Variants in FAT2 observed in about 807,000 individuals in gnomAD.
FAT2 encodes the protein protocadherin Fat 2.
A neutral mutation model predicts 295.3 loss-of-function variants in FAT2; 150 were observed. The observed-to-expected ratio is 0.51, with a 90% CI of 0.44 to 0.58. The LOEUF is 0.58. Ranked by LOEUF, FAT2 falls within the 20% of genes least tolerant of loss-of-function variation. FAT2 has a pLI of 0.00. For synonymous variants in FAT2, 2,026 were observed against 2,150.3 expected (o/e 0.94, Z 1.60); for missense variants, 4,868 against 5,442.7 (o/e 0.89, Z 3.32).
At chr5:151,548,724 G>A (rs1270355438) in intron 9 of FAT2, among the ~76,000 whole-genome samples, 3 of 152,034 alleles carry the variant, frequency 2.0e-5, no homozygotes, top group Non-Finnish European at 2.9e-5. Context: ...CAGGTGATCC[G>A]CCCGCCTCGG....
In FAT2 at chr5:151,549,384, G is replaced by C. The variant is rs149882446; in HGVS notation, c.4700C>G (p.Thr1567Ser). The change falls in exon 9 of 24, where the codon ACC (threonine) becomes AGC (serine). Residue 1567 changes from threonine (T) to serine (S), a missense_variant. By Grantham distance (58) the Thr-to-Ser change is moderately conservative. This residue lies in a region of FAT2 where 3,297 missense variants were observed against 3,669.4 expected (regional missense o/e 0.90). Transcript: ENST00000261800. ...QLHYEASVPD[T>S]IAPGTELLQV... ...CAGCAGCTCTGTGCCGGGGGCTATGGTGTCAGGAACACTTGCCTCATAATG... is the reference window on the plus strand; with the variant it reads ...CAGCAGCTCTGTGCCGGGGGCTATGCTGTCAGGAACACTTGCCTCATAATG... 1 of 1,614,126 alleles carries C rather than the reference G, an allele frequency of 6.2e-7. No homozygotes were observed.
At chr5:151,529,554 C>T (rs12332267) in intron 14 of FAT2, among the ~76,000 whole-genome samples, 162 bp from the exon 15 acceptor site, 4,168 of 151,036 alleles carry the variant, frequency 0.028, 189 homozygotes, top group African/African-American at 0.094. Flanking sequence ...ATCCCCTTGA[C>T]CCCCTTCCCC....
upstream of FAT2, among the ~76,000 whole-genome samples, chr5:151,592,188 A>G (rs1759439117): frequency 6.6e-6 from 1 of 152,174 alleles, no homozygotes; most frequent in African/African-American, 2.4e-5. Flanking sequence ...CCCTGTGTTG[A>G]GAACCAGTGT....
intron 13 of FAT2, 83 bp from the exon 14 acceptor site, chr5:151,532,053 G>A (rs2127592258): frequency 1.3e-6 from 2 of 1,527,422 alleles, no homozygotes; most frequent in South Asian, 1.2e-5. Context: ...GCCACAGGAG[G>A]GGCTGGGGAG....
At chr5:151,561,740 A>G (rs1758025092) in intron 3 of FAT2, among the ~76,000 whole-genome samples, 1 of 152,206 alleles carries the variant, frequency 6.6e-6, no homozygotes, top group South Asian at 2.1e-4. Context: ...GCATCCAAGT[A>G]GGGAAGTGGG....
chr5:151,531,040 G>A lies in FAT2; in HGVS notation c.9811+547C>T, dbSNP rs554003638. Among the ~76,000 whole-genome samples the A allele has an allele frequency of 1.3e-5, 2 of 152,280 alleles. No homozygotes were observed. The highest frequency in any genetic ancestry group is 6.5e-5 in the Admixed American group (1 of 15,310). ...ACCTGGGTGGCCTCTGAGGCCCTTCGGTGAGTTTCTGTGAACCTGACTTTG... is the reference window on the plus strand; with the variant it reads ...ACCTGGGTGGCCTCTGAGGCCCTTCAGTGAGTTTCTGTGAACCTGACTTTG... On this transcript the variant is annotated intron_variant, in intron 14 of 23. Transcript: ENST00000261800. This position sits in a 1 kb window ranked among gnomAD's most constrained non-coding sequence, Gnocchi z 5.7.
In FAT2 at chr5:151,568,609, T is replaced by C. The variant is rs1265157758; in HGVS notation, c.323A>G (p.Asn108Ser). 3.7e-6 allele frequency: 6 copies of C among 1,614,166 alleles called. No homozygotes were observed. The highest frequency in any genetic ancestry group is 5.1e-6 in the Non-Finnish European group (6 of 1,180,020). The change falls in exon 2 of 24, where the codon AAC becomes AGC. Residue 108 changes from asparagine to serine, a missense_variant. Transcript: ENST00000261800. ...GGTGTAGCTGTCTCGCACCTCTCTG[T>C]TCAGAAGAGCTGTGTTGCTGCTCTT... ...RTKSSNTALL[N>S]REVRDSYTLI...
Position 151,505,185 on chromosome 5 carries a change from A to C in FAT2, c.*380T>G. 2 of 305,904 alleles carry C rather than the reference A, an allele frequency of 6.5e-6. No homozygotes were observed. Among genetic ancestry groups the C allele is most frequent in the Non-Finnish European group, 6.2e-6 (1 of 162,320 alleles). 18.9% of individuals were successfully genotyped at this position (305,904 alleles called of 1,614,324 possible). A position where few individuals can be genotyped will look rare whatever the true frequency, so the allele number is the denominator to read the frequency against. On this transcript the variant is annotated 3_prime_UTR_variant, in exon 24 of 24. Coordinates refer to ENST00000261800, the MANE Select transcript of FAT2 (RefSeq NM_001447.3). ...CTCCAAAATGGAGCTGTGGGCAGGT[A>C]TGAGAATGCATCTTGGTGAAGTTGA...
chr5:151,552,732 A>G (rs1218770590), intron 6 of FAT2, among the ~76,000 whole-genome samples: 2 of 152,198 alleles, frequency 1.3e-5, no homozygotes, highest in Non-Finnish European at 2.9e-5. Flanking sequence ...GCCTCGTAGA[A>G]TGAGAATGGG....
In FAT2 at chr5:151,525,891, G is replaced by A. The variant is rs747273552; in HGVS notation, c.10383C>T (p.Pro3461=). ...TCCCCTTGGTGATTCGAAACGAGTA[G>A]GGGGGGCCATTCTCTGGAGAATCTG... is the stretch of plus-strand genomic sequence containing the variant. ...SDPDSPENGP[P]YSFRITKGNN... Residue 3461 remains proline (P), a synonymous_variant, in exon 18 of 24, where the codon CCC becomes CCT. Coordinates refer to ENST00000261800, the MANE Select transcript of FAT2 (RefSeq NM_001447.3). 6.2e-6 allele frequency: 10 copies of A among 1,614,074 alleles called. No individual in the cohort carries two copies. The highest frequency in any genetic ancestry group is 8.5e-6 in the Non-Finnish European group (10 of 1,179,980).
chr5:151,538,857 T>G (rs1372715877), intron 11 of FAT2, among the ~76,000 whole-genome samples: 2 of 151,406 alleles, frequency 1.3e-5, no homozygotes, highest in Admixed American at 1.3e-4. Flanking sequence ...TTTTTTTTTT[T>G]GTATTTTTAG....
At chr5:151,520,618 A>C (rs1257812462) in intron 19 of FAT2, among the ~76,000 whole-genome samples, 1 of 152,198 alleles carries the variant, frequency 6.6e-6, no homozygotes, top group Non-Finnish European at 1.5e-5. Context: ...ACTCTTACGT[A>C]ATTTCCCCCC....
intron 9 of FAT2, among the ~76,000 whole-genome samples, chr5:151,548,934 A>G (rs1019742707): frequency 1.3e-5 from 2 of 152,246 alleles, no homozygotes; most frequent in Non-Finnish European, 2.9e-5. Context: ...AATTACTTCT[A>G]AAACTATGCC....
At chr5:151,593,740 A>G (rs767552450), upstream of FAT2, among the ~76,000 whole-genome samples, 1 of 152,176 alleles carries the variant, frequency 6.6e-6, no homozygotes, top group Non-Finnish European at 1.5e-5. Context: ...GCAGTGGCTC[A>G]CACCTGTAAT....
Position 151,512,208 on chromosome 5 carries a change from G to A in FAT2, c.11862C>T (p.Asn3954=), listed in dbSNP as rs1761378389. 1 of 1,614,106 alleles carries A rather than the reference G, an allele frequency of 6.2e-7. No individual in the cohort carries two copies. The highest frequency in any genetic ancestry group is 1.3e-5 in the African/African-American group (1 of 74,932). ...CCLHSDYCSQ[N]TCLNGGKCSW... is the part of the protein sequence containing the mutation. ...AGCACTTCCCACCATTGAGGCATGT[G>A]TTCTGGCTGCAGTAGTCACTGTGGA... The change falls in exon 21 of 24, where the codon AAC becomes AAT. Residue 3954 remains asparagine, a synonymous_variant. Coordinates refer to ENST00000261800, the MANE Select transcript of FAT2 (RefSeq NM_001447.3). This position sits in a 1 kb window ranked among gnomAD's most constrained non-coding sequence, Gnocchi z 4.1.
At chr5:151,515,487 A>G (rs1280161040) in intron 20 of FAT2, among the ~76,000 whole-genome samples, 5 of 152,102 alleles carry the variant, frequency 3.3e-5, no homozygotes, top group African/African-American at 1.2e-4. Context: ...TGGAGGTCTA[A>G]TGGGCATCTG....
In FAT2 at chr5:151,529,368, A is replaced by G. The variant is rs550260647; in HGVS notation, c.9836T>C (p.Leu3279Pro). 1.9e-6 allele frequency: 3 copies of G among 1,613,984 alleles called. No individual in the cohort carries two copies. Among genetic ancestry groups the G allele is most frequent in the Non-Finnish European group, 2.5e-6 (3 of 1,179,996 alleles). The part of the protein sequence containing the change: ...RTGILYVNAS[L>P]DFETSPKYFL... ...GTACTTGGGGCTTGTCTCAAAGTCC[A>G]GGCTTGCGTTGACATACAGGATCCC... Residue 3279 changes from leucine (L) to proline (P), a missense_variant, in exon 15 of 24, where the codon CTG becomes CCG. Leu to Pro is a moderately conservative substitution (Grantham distance 98). Transcript: ENST00000261800.
At position 151,566,834 on chromosome 5, in the gene FAT2, T is replaced by C. The variant is rs1489804918; in HGVS notation, c.2098A>G (p.Thr700Ala). The C allele has an allele frequency of 1.5e-5, 25 of 1,614,046 alleles. No homozygotes were observed. The highest frequency in any genetic ancestry group is 1.9e-5 in the Non-Finnish European group (23 of 1,180,038). The change falls in exon 2 of 24, where the codon ACT becomes GCT. Residue 700 changes from threonine (T) to alanine (A), a missense_variant. Thr to Ala is a moderately conservative substitution (Grantham distance 58, BLOSUM62 0). Coordinates refer to ENST00000261800, the MANE Select transcript of FAT2 (RefSeq NM_001447.3). ...QNQESSDEEF[T>A]SLSTYQINHY... The stretch of plus-strand genomic sequence containing the variant: ...TTAATCTGATATGTGCTTAAAGAAG[T>C]GAATTCCTCATCACTGGACTCCTGG...
intron 2 of FAT2, among the ~76,000 whole-genome samples, chr5:151,563,927 T>C (rs1485045163): frequency 2.6e-5 from 4 of 152,236 alleles, no homozygotes; most frequent in African/African-American, 9.6e-5. Context: ...AGTGGTAGTT[T>C]ATCTACTTTC....
Sources: allele counts gnomAD v4.1 joint callset (sites outside exome capture counted in the v4.1 genomes callset), GRCh38; gene constraint gnomAD v4.1.1; regional missense constraint gnomAD v4.1.1; non-coding constraint Gnocchi (gnomAD v3.1); transcripts MANE v1.5; gene names NCBI Gene and HGNC (gene_info 2026-07-23, HGNC 2026-07-21).